QSOX2: variants seen among roughly 807,000 people sequenced by gnomAD.
The protein encoded by QSOX2 is quiescin sulfhydryl oxidase 2.
In QSOX2, 46 loss-of-function variants were observed where a neutral mutation model predicts 61.7. The observed-to-expected ratio is 0.75, with a 90% CI of 0.59 to 0.95. QSOX2 has a LOEUF of 0.95. QSOX2 is among the 40% of genes least tolerant of loss of function. QSOX2 has a pLI of 0.00. For synonymous variants in QSOX2, 383 were observed against 388.4 expected, an observed-to-expected ratio of 0.99 and a Z score of 0.16; for missense variants, 879 against 918.9, an observed-to-expected ratio of 0.96 and a Z score of 0.56.
rs190978004 is a variant in QSOX2 at position 136,209,963 on chromosome 9, G to T, written c.1550-688C>A. The T allele has an allele frequency of 1.1e-4, 110 of 985,426 alleles. No individual in the cohort carries two copies. The Admixed American group carries it at 3.9e-3, about 35-fold the overall frequency. The allele number at this position is 985,426 out of a possible 1,614,324, so 61.0% of individuals were successfully genotyped here. A position where few individuals can be genotyped will look rare whatever the true frequency, so the allele number is the denominator to read the frequency against. ...CTAGCTCTCGGAGCCCCTGCGACCC[G>T]ACTTGCTGACACCTGGCCACCCTCA... On this transcript the variant is annotated intron_variant, in intron 11 of 11. Coordinates refer to ENST00000358701, the MANE Select transcript of QSOX2 (RefSeq NM_181701.4). The surrounding 1 kb of genome is among the most constrained non-coding windows in gnomAD (Gnocchi z 5.6).
intron 1 of QSOX2, among the ~76,000 whole-genome samples, chr9:136,244,398 C>T (rs1389140222): frequency 1.3e-5 from 2 of 152,186 alleles, no homozygotes; most frequent in Non-Finnish European, 2.9e-5. Context: ...TTTACAGTAA[C>T]ATACAAAAGC....
In QSOX2 at chr9:136,206,540, C is replaced by G. The variant is rs1174007396; in HGVS notation, c.*2188G>C. 6.6e-6 allele frequency: 1 copy of G among 152,418 alleles called. No homozygotes were observed. The highest frequency in any genetic ancestry group is 2.4e-5 in the African/African-American group (1 of 41,432). 9.4% of individuals were successfully genotyped at this position (152,418 alleles called of 1,614,324 possible). A position where few individuals can be genotyped will look rare whatever the true frequency, so the allele number is the denominator to read the frequency against. On this transcript the variant is annotated 3_prime_UTR_variant, in exon 12 of 12. Coordinates refer to ENST00000358701, the MANE Select transcript of QSOX2 (RefSeq NM_181701.4). ...ATTAGTCTCAATACCTCTTAAAATACTTAAAACTTTAGAAAATAGACTCTA... is the reference window on the plus strand; with the variant it reads ...ATTAGTCTCAATACCTCTTAAAATAGTTAAAACTTTAGAAAATAGACTCTA...
chr9:136,231,549 C>T (rs748860071), intron 1 of QSOX2, among the ~76,000 whole-genome samples: 2 of 152,280 alleles, frequency 1.3e-5, no homozygotes, highest in Non-Finnish European at 2.9e-5. Flanking sequence ...AGGCAGGGAT[C>T]CGTGTCCAAT....
At position 136,216,827 on chromosome 9, in the gene QSOX2, G is replaced by A. The variant is rs1053811220; in HGVS notation, c.1087-105C>T. 8 of 1,410,412 alleles carry A rather than the reference G, an allele frequency of 5.7e-6. No individual in the cohort carries two copies. The South Asian group carries it at 6.3e-5, about 11-fold the overall frequency. 87.4% of individuals were successfully genotyped at this position (1,410,412 alleles called of 1,614,324 possible). ...AAGAGAAGCACTCCATCCGCAGAGGGGCTGAACCTAGGATGGGGCCTCTCA... is the reference window on the plus strand; with the variant it reads ...AAGAGAAGCACTCCATCCGCAGAGGAGCTGAACCTAGGATGGGGCCTCTCA... On this transcript the variant is annotated intron_variant, in intron 8 of 11. Coordinates refer to ENST00000358701, the MANE Select transcript of QSOX2 (RefSeq NM_181701.4).
chr9:136,218,666 C>A lies in QSOX2; in HGVS notation c.1086+13G>T. ...AATTCCCACATGCAGCCCAGACCAG[C>A]ACCGTCCCAAACCTTGGCCAAGACA... On this transcript the variant is annotated intron_variant, in intron 8 of 11. Coordinates refer to ENST00000358701, the MANE Select transcript of QSOX2 (RefSeq NM_181701.4). 6.2e-7 allele frequency: 1 copy of A among 1,612,146 alleles called. No individual in the cohort carries two copies. Among genetic ancestry groups the A allele is most frequent in the Non-Finnish European group, 8.5e-7 (1 of 1,179,080 alleles).
At chr9:136,212,570 G>A (rs1397617816) in intron 10 of QSOX2, among the ~76,000 whole-genome samples, 4 of 152,352 alleles carry the variant, frequency 2.6e-5, no homozygotes, top group Middle Eastern at 3.4e-3. Flanking sequence ...AGCCTTGAGC[G>A]TGTCCACGGG....
intron 1 of QSOX2, among the ~76,000 whole-genome samples, chr9:136,239,301 GCCT>G (rs1830416124): frequency 6.6e-6 from 1 of 152,136 alleles, no homozygotes; most frequent in South Asian, 2.1e-4. Flanking sequence ...TCCCATCTCA[GCCT>G]CCTAAGTGGC....
intron 1 of QSOX2, among the ~76,000 whole-genome samples, chr9:136,234,158 C>T (rs530585809): frequency 6.6e-6 from 1 of 152,234 alleles, no homozygotes; most frequent in East Asian, 1.9e-4. Context: ...TGGGGCACTT[C>T]CTGAGCAGAA....
Position 136,224,117 on chromosome 9 carries a change from C to A in QSOX2, c.479-5G>T. On this transcript the variant is annotated splice_region_variant and splice_polypyrimidine_tract_variant and intron_variant, in intron 3 of 11. Coordinates refer to ENST00000358701, the MANE Select transcript of QSOX2 (RefSeq NM_181701.4). Reference sequence around the variant, plus strand: ...TTCGCAGCTCTCGGTCAGGTCCTGCCGGAAGCACACCAGGGTCAGAGCTGT... The same window carrying A: ...TTCGCAGCTCTCGGTCAGGTCCTGCAGGAAGCACACCAGGGTCAGAGCTGT... 6.2e-7 allele frequency: 1 copy of A among 1,611,398 alleles called. No homozygotes were observed. The highest frequency in any genetic ancestry group is 8.5e-7 in the Non-Finnish European group (1 of 1,178,144).
In QSOX2 at chr9:136,208,820, C is replaced by G. The variant is rs370105290; in HGVS notation, c.2005G>C (p.Val669Leu). ...ACCATGAGGAACAGGGATGAAGCCA[C>G]GTACAGCACGACACAGAGACTCATG... ...LDMSLCVVLY[V>L]ASSLFLMVMY... is the part of the protein sequence containing the mutation. Residue 669 changes from valine (V) to leucine (L), a missense_variant, in exon 12 of 12, where the codon GTG becomes CTG. Coordinates refer to ENST00000358701, the MANE Select transcript of QSOX2 (RefSeq NM_181701.4). 1 of 1,614,050 alleles carries G rather than the reference C, an allele frequency of 6.2e-7. No individual in the cohort carries two copies. The highest frequency in any genetic ancestry group is 2.2e-5 in the East Asian group (1 of 44,870).
chr9:136,223,943 C>G lies in QSOX2; in HGVS notation c.584+64G>C. 1 of 1,559,908 alleles carries G rather than the reference C, an allele frequency of 6.4e-7. No homozygotes were observed. Among genetic ancestry groups the G allele is most frequent in the South Asian group, 1.1e-5 (1 of 89,720 alleles). ...AGTGGCCACATCACTTAATAGAAAC[C>G]TATTACGTTTCTTGCACAGTTCAAC... On this transcript the variant is annotated intron_variant, in intron 4 of 11. Coordinates refer to ENST00000358701, the MANE Select transcript of QSOX2 (RefSeq NM_181701.4). The surrounding 1 kb of genome is among the most constrained non-coding windows in gnomAD (Gnocchi z 4.4).
chr9:136,232,295 G>A (rs531556903), intron 1 of QSOX2, among the ~76,000 whole-genome samples: 34 of 152,210 alleles, frequency 2.2e-4, no homozygotes, highest in Admixed American at 1.6e-3. Flanking sequence ...CCTCCTCTTC[G>A]TGACACATGG....
Position 136,243,470 on chromosome 9 carries a change from T to C in QSOX2, c.328+2006A>G, listed in dbSNP as rs116637111. 3.4e-3 allele frequency among the ~76,000 whole-genome samples: 511 copies of C among 152,338 alleles called. 3 individuals are homozygous for C. Among genetic ancestry groups the C allele is most frequent in the African/African-American group, 0.012 (488 of 41,584 alleles). The stretch of plus-strand genomic sequence containing the variant: ...TTCAAGTCTTTAGACAAAGCTTAAC[T>C]CTTTCAATCAATTGCCAGTCAGAAT... On this transcript the variant is annotated intron_variant, in intron 1 of 11. Coordinates refer to ENST00000358701, the MANE Select transcript of QSOX2 (RefSeq NM_181701.4).
At chr9:136,226,447 C>T (rs1830282111) in intron 2 of QSOX2, among the ~76,000 whole-genome samples, 1 of 152,186 alleles carries the variant, frequency 6.6e-6, no homozygotes, top group Non-Finnish European at 1.5e-5. Context: ...GCTGGGGTGC[C>T]AGCCCTCGCA....
chr9:136,216,509 C>A, intron 9 of QSOX2, 91 bp downstream of exon 9: 4 of 1,542,388 alleles, frequency 2.6e-6, no homozygotes, highest in Non-Finnish European at 3.5e-6. Flanking sequence ...GGAGCCCGGG[C>A]CCCGAGCAGG....
intron 8 of QSOX2, among the ~76,000 whole-genome samples, chr9:136,218,325 C>G (rs55726506): frequency 0.1 from 15,151 of 152,258 alleles, 1,022 homozygotes; most frequent in Admixed American, 0.18. Flanking sequence ...CTCTCTCCCC[C>G]CAGCCCCCGT....
chr9:136,216,549 A>C (rs367636412), intron 9 of QSOX2, 51 bp downstream of exon 9: 11 of 1,602,010 alleles, frequency 6.9e-6, no homozygotes, highest in Non-Finnish European at 9.4e-6. Context: ...CAAGGGAAGG[A>C]AGGCGAGGGA....
chr9:136,216,637 T>G lies in QSOX2; in HGVS notation c.1172A>C (p.Tyr391Ser). ...GTTGACCAGGTCAAGCACGGCGTTG[T>G]AGGGGATCCTGTCCAGGGGAAGGCT... Reference protein sequence around the residue: ...LASLPLDRIPYNAVLDLVNNK... With the variant: ...LASLPLDRIPSNAVLDLVNNK... Residue 391 changes from tyrosine to serine, a missense_variant, in exon 9 of 12, where the codon TAC (tyrosine) becomes TCC (serine). Coordinates refer to ENST00000358701, the MANE Select transcript of QSOX2 (RefSeq NM_181701.4). 6.2e-7 allele frequency: 1 copy of G among 1,613,912 alleles called. No homozygotes were observed. The highest frequency in any genetic ancestry group is 1.1e-5 in the South Asian group (1 of 91,086).
In QSOX2 at chr9:136,226,757, A is replaced by G. The variant is rs1372380462; in HGVS notation, c.429+17T>C. 2 of 1,589,786 alleles carry G rather than the reference A, an allele frequency of 1.3e-6. No individual in the cohort carries two copies. Among genetic ancestry groups the G allele is most frequent in the Non-Finnish European group, 1.7e-6 (2 of 1,157,758 alleles). ...AGAAGGTGAATTTCAACGGACAAGC[A>G]GCCGCGTGATACTCACCCGGAAGGT... On this transcript the variant is annotated intron_variant, in intron 2 of 11. Transcript: ENST00000358701.
Sources: allele counts gnomAD v4.1 joint callset (sites outside exome capture counted in the v4.1 genomes callset), GRCh38; gene constraint gnomAD v4.1.1; non-coding constraint Gnocchi (gnomAD v3.1); transcripts MANE v1.5; gene names NCBI Gene and HGNC (gene_info 2026-07-23, HGNC 2026-07-21).